PKNOX2: variants seen among roughly 807,000 people sequenced by gnomAD.
PKNOX2 encodes the protein homeobox protein PKNOX2.
A neutral mutation model predicts 53.1 loss-of-function variants in PKNOX2; 14 were observed. The ratio of observed to expected loss-of-function variants is 0.26; its 90% confidence interval spans 0.17 to 0.41. The LOEUF (loss-of-function observed/expected upper bound fraction) is 0.41, where lower values mean the gene tolerates loss of function less well. Among genes scored for constraint, PKNOX2 ranks in the 10% least tolerant of loss-of-function variants. The pLI, the probability that PKNOX2 is intolerant of heterozygous loss-of-function variation, is 1.00. For synonymous variants in PKNOX2, 257 were observed against 242.8 expected (o/e 1.06, Z -0.54); for missense variants, 496 against 602.8 (o/e 0.82, Z 1.85).
intron 3 of PKNOX2, among the ~76,000 whole-genome samples, chr11:125,343,056 G>A (rs1025636167): frequency 6.6e-6 from 1 of 152,068 alleles, no homozygotes; most frequent in African/African-American, 2.4e-5. Context: ...ACAGGCTGGG[G>A]GAGGGAGTTG....
intron 1 of PKNOX2, among the ~76,000 whole-genome samples, chr11:125,198,931 C>G (rs776615861): frequency 4.6e-5 from 7 of 151,814 alleles, no homozygotes; most frequent in Non-Finnish European, 7.4e-5. Context: ...ACCTCCACCT[C>G]CCAGGTTGAA....
chr11:125,326,911 C>A (rs1013714975), intron 2 of PKNOX2, among the ~76,000 whole-genome samples: 5 of 152,214 alleles, frequency 3.3e-5, no homozygotes, highest in African/African-American at 1.2e-4. Flanking sequence ...GGAGGTGAAG[C>A]CTGAGGATTC....
At chr11:125,351,196 C>T (rs1382991534) in intron 3 of PKNOX2, 88 bp from the exon 4 acceptor site, 1 of 728,980 alleles carries the variant, frequency 1.4e-6, no homozygotes, top group African/African-American at 1.7e-5. Flanking sequence ...CCCAGGTGGC[C>T]CAGCGGGGGA....
At chr11:125,314,368 G>C (rs993769005) in intron 2 of PKNOX2, among the ~76,000 whole-genome samples, 1 of 152,160 alleles carries the variant, frequency 6.6e-6, no homozygotes, top group African/African-American at 2.4e-5. Flanking sequence ...TGGGTTGGGA[G>C]CCAGGGTGGG....
chr11:125,178,654 G>A, intron 1 of PKNOX2, among the ~76,000 whole-genome samples: 1 of 109,122 alleles, frequency 9.2e-6, no homozygotes, highest in Admixed American at 8.0e-5. Flanking sequence ...AAGAAGGAAG[G>A]AAGGAAGGAA....
At chr11:125,389,737 A>G (rs979843770) in intron 6 of PKNOX2, among the ~76,000 whole-genome samples, 1 of 152,242 alleles carries the variant, frequency 6.6e-6, no homozygotes, top group African/African-American at 2.4e-5. Flanking sequence ...TTTATATATT[A>G]TGCAAGATTT....
In PKNOX2 at chr11:125,430,133, A is replaced by G; in HGVS notation, c.1184A>G (p.Asn395Ser). ...CAGCAGGGCGGTGCCCCAGGGACAA[A>G]CCCCGATGGTAAGAACTGGGGCTGA... ...LQQQGGAPGT[N>S]PDGSINLDNL... The change falls in exon 12 of 13, where the codon AAC becomes AGC. Residue 395 changes from asparagine to serine, a missense_variant. This residue lies in a region of PKNOX2 where 139 missense variants were observed against 161.3 expected (regional missense o/e 0.86). Coordinates refer to ENST00000298282, the MANE Select transcript of PKNOX2 (RefSeq NM_001382323.2). The G allele has an allele frequency of 1.2e-6, 2 of 1,613,818 alleles. No homozygotes were observed. The highest frequency in any genetic ancestry group is 1.7e-6 in the Non-Finnish European group (2 of 1,179,860).
rs559064329 is a variant in PKNOX2, at chr11:125,202,671, G to A, written c.-200-32374G>A. 2.3e-3 allele frequency among the ~76,000 whole-genome samples: 355 copies of A among 152,256 alleles called. 3 individuals are homozygous for A. Among genetic ancestry groups the A allele is most frequent in the African/African-American group, 8.2e-3 (341 of 41,560 alleles). On this transcript the variant is annotated intron_variant, in intron 1 of 12. Transcript: ENST00000298282. ...TCCATTGGAGCCTTCTGGAGTGCAG[G>A]GGGAGGAGCCGTGGAATGTGCTCTT...
Position 125,428,958 on chromosome 11 carries a change from G to A in PKNOX2, c.937-54G>A, listed in dbSNP as rs578166838. The A allele has an allele frequency of 1.9e-5, 30 of 1,548,442 alleles. 1 individual carries two copies. The highest frequency in any genetic ancestry group is 1.8e-4 in the African/African-American group (13 of 73,474). ...CCATGGCGTGGGCACAGTCCCTTGG[G>A]GGGGCCAGATCAGCATATGCCCAGC... On this transcript the variant is annotated intron_variant, in intron 10 of 12. Coordinates refer to ENST00000298282, the MANE Select transcript of PKNOX2 (RefSeq NM_001382323.2).
intron 4 of PKNOX2, among the ~76,000 whole-genome samples, chr11:125,365,206 C>A (rs987572889): frequency 1.3e-5 from 2 of 152,098 alleles, no homozygotes; most frequent in Admixed American, 1.3e-4. Flanking sequence ...ATTCCTCATA[C>A]AATGAAGTAC....
intron 1 of PKNOX2, among the ~76,000 whole-genome samples, chr11:125,175,823 AGATTAAGT>A (rs1305301666): frequency 3.9e-5 from 6 of 152,162 alleles, no homozygotes; most frequent in African/African-American, 1.4e-4. Context: ...GAAGATGGGA[AGATTAAGT>A]GAGGTGATGT....
intron 7 of PKNOX2, among the ~76,000 whole-genome samples, chr11:125,407,802 T>C (rs1349230530): frequency 1.3e-5 from 2 of 151,908 alleles, no homozygotes; most frequent in East Asian, 3.9e-4. Flanking sequence ...TCAAATATAA[T>C]ATCAGCACGG....
intron 5 of PKNOX2, among the ~76,000 whole-genome samples, chr11:125,373,420 G>T (rs779519607): frequency 3.3e-4 from 51 of 152,252 alleles, no homozygotes; most frequent in Admixed American, 1.2e-3. Flanking sequence ...CTCCATCACT[G>T]GACACTAAAA....
At chr11:125,350,773 G>A (rs558817299) in intron 3 of PKNOX2, among the ~76,000 whole-genome samples, 3 of 152,278 alleles carry the variant, frequency 2.0e-5, no homozygotes, top group Admixed American at 6.5e-5. Flanking sequence ...GGGGAGGGGC[G>A]AGCTTGGTGC....
intron 10 of PKNOX2, among the ~76,000 whole-genome samples, chr11:125,427,079 C>T (rs1956468393): frequency 6.6e-6 from 1 of 152,200 alleles, no homozygotes; most frequent in South Asian, 2.1e-4. Context: ...GTCTACAGAC[C>T]AGCTGGCTAT....
chr11:125,407,939 A>T (rs760232178), intron 7 of PKNOX2, among the ~76,000 whole-genome samples: 2 of 152,090 alleles, frequency 1.3e-5, no homozygotes, highest in Non-Finnish European at 2.9e-5. Context: ...ACATAAGGAG[A>T]TGAGGCCCAC....
At chr11:125,429,546 C>G (rs1956592695) in intron 11 of PKNOX2, among the ~76,000 whole-genome samples, 1 of 152,180 alleles carries the variant, frequency 6.6e-6, no homozygotes, top group Non-Finnish European at 1.5e-5. Flanking sequence ...CTCAGCTTTC[C>G]CAGTCTCTGT....
At chr11:125,253,448 G>T (rs191061442) in intron 2 of PKNOX2, among the ~76,000 whole-genome samples, 129 of 152,214 alleles carry the variant, frequency 8.5e-4, no homozygotes, top group African/African-American at 2.9e-3. Context: ...AGAGGAGGGT[G>T]GCTCAGCCCT....
chr11:125,249,915 A>G (rs1943865133), intron 2 of PKNOX2, among the ~76,000 whole-genome samples: 1 of 152,110 alleles, frequency 6.6e-6, no homozygotes, highest in South Asian at 2.1e-4. Flanking sequence ...TACTAAAAAT[A>G]TTAGCCAGGT....
Sources: allele counts gnomAD v4.1 joint callset (sites outside exome capture counted in the v4.1 genomes callset), GRCh38; gene constraint gnomAD v4.1.1; regional missense constraint gnomAD v4.1.1; transcripts MANE v1.5; gene names NCBI Gene and HGNC (gene_info 2026-07-23, HGNC 2026-07-21).